HDAC9: variants seen among roughly 807,000 people sequenced by gnomAD.
HDAC9 encodes MEF-2 interacting transcription repressor (MITR) protein.
HDAC9 carries 41 observed loss-of-function variants against 139.4 expected under a neutral mutation model. That is an observed-to-expected ratio of 0.29 (90% CI 0.23 to 0.38). HDAC9 has a LOEUF of 0.38. Ranked by LOEUF, HDAC9 falls within the 10% of genes least tolerant of loss-of-function variation. The pLI, the probability that HDAC9 is intolerant of heterozygous loss-of-function variation, is 1.00. For synonymous variants in HDAC9, 517 were observed against 476.2 expected (o/e 1.09, Z -1.12); for missense variants, 1,147 against 1,297.0 (o/e 0.88, Z 1.78).
intron 2 of HDAC9, chr7:18,509,153 A>G: frequency 2.5e-6 from 1 of 403,276 alleles, no homozygotes; most frequent in Non-Finnish European, 3.4e-6. Flanking sequence ...AACATTTTTG[A>G]GGGACTGACA....
intron 6 of HDAC9, among the ~76,000 whole-genome samples, chr7:18,623,904 A>C (rs1044686105): frequency 6.6e-6 from 1 of 152,142 alleles, no homozygotes; most frequent in Admixed American, 6.5e-5. Flanking sequence ...ACGGCACTGC[A>C]TTCCAGCATG....
intron 6 of HDAC9, among the ~76,000 whole-genome samples, chr7:18,611,865 A>G (rs1044408127): frequency 1.4e-4 from 21 of 152,156 alleles, no homozygotes; most frequent in African/African-American, 4.3e-4. Context: ...GATATTTTCA[A>G]TGGAAAACAA....
At chr7:18,775,412 G>T (rs1378644477) in intron 16 of HDAC9, among the ~76,000 whole-genome samples, 1 of 152,052 alleles carries the variant, frequency 6.6e-6, no homozygotes, top group Non-Finnish European at 1.5e-5. Context: ...AACAAGGTGT[G>T]CCTGTATCGA....
intron 6 of HDAC9, among the ~76,000 whole-genome samples, chr7:18,604,794 A>G (rs771857372): frequency 3.9e-5 from 6 of 151,934 alleles, no homozygotes; most frequent in South Asian, 4.2e-4. Context: ...TATATTATCC[A>G]TCTGTTGTTG....
chr7:18,864,369 G>A (rs1798332786), intron 21 of HDAC9, among the ~76,000 whole-genome samples: 1 of 152,098 alleles, frequency 6.6e-6, no homozygotes, highest in Non-Finnish European at 1.5e-5. Context: ...CAGGGACTGG[G>A]ACCAGGGGAA....
At chr7:18,899,290 T>G (rs1172056403) in intron 22 of HDAC9, 1 of 152,006 alleles carries the variant, frequency 6.6e-6, no homozygotes. Flanking sequence ...TAGTAATTAG[T>G]AGGACTGAGT....
chr7:18,180,468 G>T lies in HDAC9; in HGVS notation c.25+18119G>T, dbSNP rs140121545. Among the ~76,000 whole-genome samples, 343 of 151,802 alleles carry T rather than the reference G, an allele frequency of 2.3e-3. 1 individual carries two copies. Among genetic ancestry groups the T allele is most frequent in the Middle Eastern group, 0.01 (3 of 294 alleles). ...ATAAGATTGATGAGTATGAGAGATT[G>T]ATCATTTTACAATTTCCATCCTGCG... is the stretch of plus-strand genomic sequence containing the variant. On this transcript the variant is annotated intron_variant, in intron 2 of 12. Transcript: ENST00000417496.
At chr7:18,500,365 C>G (rs886955447) in intron 2 of HDAC9, among the ~76,000 whole-genome samples, 6 of 152,062 alleles carry the variant, frequency 3.9e-5, no homozygotes, top group African/African-American at 1.4e-4. Flanking sequence ...GCAAACATAC[C>G]TTCCATCCCT....
chr7:18,445,488 A>G (rs1792204883), intron 1 of HDAC9, among the ~76,000 whole-genome samples: 1 of 152,226 alleles, frequency 6.6e-6, no homozygotes, highest in African/African-American at 2.4e-5. Flanking sequence ...TAATGCTGAA[A>G]TATGTAGGGG....
chr7:18,446,967 T>A (rs1258480836), intron 1 of HDAC9, among the ~76,000 whole-genome samples: 1 of 152,232 alleles, frequency 6.6e-6, no homozygotes, highest in Non-Finnish European at 1.5e-5. Context: ...AAGTATATGC[T>A]AATCAATAAA....
intron 8 of HDAC9, among the ~76,000 whole-genome samples, chr7:18,641,950 T>C (rs542531364): frequency 2.0e-5 from 3 of 152,166 alleles, no homozygotes; most frequent in African/African-American, 4.8e-5. Context: ...AAAAGCATAG[T>C]TGAGGAAAGC....
intron 2 of HDAC9, among the ~76,000 whole-genome samples, chr7:18,214,837 C>T (rs1009269435): frequency 6.6e-6 from 1 of 152,060 alleles, no homozygotes; most frequent in Non-Finnish European, 1.5e-5. Context: ...ATAAAAAGAC[C>T]TCTTTGTTAT....
chr7:18,175,271 G>A (rs1284545549), intron 2 of HDAC9, among the ~76,000 whole-genome samples: 1 of 152,208 alleles, frequency 6.6e-6, no homozygotes, highest in Admixed American at 6.5e-5. Context: ...AGCCAGGAGT[G>A]GGATATAATC....
intron 13 of HDAC9, among the ~76,000 whole-genome samples, chr7:18,737,606 G>T (rs181591326): frequency 6.6e-6 from 1 of 152,116 alleles, no homozygotes; most frequent in African/African-American, 2.4e-5. Context: ...TAATTTGATT[G>T]CACTGTTGTC....
At chr7:18,882,046 G>T (rs930379666) in intron 22 of HDAC9, among the ~76,000 whole-genome samples, 1 of 152,042 alleles carries the variant, frequency 6.6e-6, no homozygotes, top group Non-Finnish European at 1.5e-5. Flanking sequence ...CTTCTGTGCC[G>T]TGTTTCAAAA....
At chr7:18,562,968 A>G (rs1038363679) in intron 2 of HDAC9, among the ~76,000 whole-genome samples, 2 of 152,104 alleles carry the variant, frequency 1.3e-5, no homozygotes, top group Non-Finnish European at 1.5e-5. Context: ...CACTTTTGTT[A>G]AATTTATGCC....
At chr7:18,952,205 C>A (rs1585394410) in intron 23 of HDAC9, among the ~76,000 whole-genome samples, 1 of 151,878 alleles carries the variant, frequency 6.6e-6, no homozygotes, top group Middle Eastern at 3.4e-3. Context: ...TAGACACAAC[C>A]CTTTTGCATC....
chr7:18,455,590 A>G (rs1005567486), intron 1 of HDAC9, among the ~76,000 whole-genome samples: 2 of 151,934 alleles, frequency 1.3e-5, no homozygotes, highest in African/African-American at 4.9e-5. Flanking sequence ...TTTTTATTTA[A>G]TCATTTTCCA....
At position 18,222,930 on chromosome 7, in the gene HDAC9, C is replaced by T. The variant is rs544213231; in HGVS notation, c.25+60581C>T. Among the ~76,000 whole-genome samples the T allele has an allele frequency of 2.0e-5, 3 of 152,196 alleles. No homozygotes were observed. The South Asian group carries it at 6.2e-4, about 32-fold the overall frequency. ...GAAAGGTAATGCATATTTTAAACTT[C>T]AATATATGTTCATAAACTGCTCTCT... On this transcript the variant is annotated intron_variant, in intron 2 of 12. Transcript: ENST00000417496.
Sources: allele counts gnomAD v4.1 joint callset (sites outside exome capture counted in the v4.1 genomes callset), GRCh38; gene constraint gnomAD v4.1.1; transcripts MANE v1.5; gene names NCBI Gene and HGNC (gene_info 2026-07-23, HGNC 2026-07-21).